The following ITIH4 variants were observed in gnomAD, a reference collection of about 807,000 sequenced individuals.
The protein encoded by ITIH4 is inter-alpha-trypsin inhibitor heavy chain H4.
Under a neutral mutation model 111.8 loss-of-function variants are expected in ITIH4, and 79 were observed. That is an observed-to-expected ratio of 0.71 (90% confidence interval 0.59 to 0.85). The LOEUF (loss-of-function observed/expected upper bound fraction) is 0.85. Among genes scored for constraint, ITIH4 ranks in the 40% least tolerant of loss-of-function variants. The probability of loss-of-function intolerance (pLI) is 0.00; values close to 1 mark genes in which losing one functional copy is unlikely to be tolerated. For missense variants in ITIH4, 1,065 were observed against 1,195.8 expected (o/e 0.89, Z 1.61); for synonymous variants, 472 against 468.3 (o/e 1.01, Z -0.10).
chr3:52,816,437 A>G (rs1700278002), intron 21 of ITIH4, among the ~76,000 whole-genome samples: 1 of 152,200 alleles, frequency 6.6e-6, no homozygotes, highest in African/African-American at 2.4e-5. Flanking sequence ...ACATCACGTC[A>G]CTATGTAGGC....
chr3:52,825,811 TAA>T (rs1383921555), intron 6 of ITIH4, 73 bp downstream of exon 6: 1 of 1,517,478 alleles, frequency 6.6e-7, no homozygotes, highest in Non-Finnish European at 8.9e-7. Context: ...TTTCCTGTTC[TAA>T]AATACCCAAG....
intron 21 of ITIH4, 119 bp downstream of exon 21, chr3:52,816,765 C>A (rs1311469051): frequency 6.3e-6 from 6 of 959,116 alleles, no homozygotes; most frequent in Non-Finnish European, 9.6e-6. Flanking sequence ...CTTTGCCCCT[C>A]CTGTGAGTGT....
intron 2 of ITIH4, among the ~76,000 whole-genome samples, chr3:52,827,587 C>T (rs2710344): frequency 1.9e-4 from 29 of 152,246 alleles, no homozygotes; most frequent in African/African-American, 7.0e-4. Flanking sequence ...TAGTTCATCA[C>T]CAGCAAGAGC....
In ITIH4 at chr3:52,819,394, G is replaced by A; in HGVS notation, c.2076C>T (p.Ile692=). 1.9e-6 allele frequency: 3 copies of A among 1,614,012 alleles called. No individual in the cohort carries two copies. The highest frequency in any genetic ancestry group is 2.5e-6 in the Non-Finnish European group (3 of 1,179,902). Residue 692 remains isoleucine (I), a splice_region_variant and synonymous_variant, in exon 17 of 24, where the codon ATC becomes ATT. Transcript: ENST00000266041. ...AAYHPFRRLA[I]LPASAPPATS... ...TCGCAGGGCCGGAAGGCAGCTTACA[G>A]ATGGCCAGACGGCGGAAGGGGTGGT...
intron 11 of ITIH4, chr3:52,823,329 C>T (rs1400148656): frequency 9.0e-6 from 5 of 557,696 alleles, no homozygotes; most frequent in Non-Finnish European, 1.6e-5. Context: ...GAATCCCTGC[C>T]CTCACCTGTG....
chr3:52,820,133 A>G (rs1700352279), intron 14 of ITIH4, 143 bp from the exon 15 acceptor site: 1 of 1,286,992 alleles, frequency 7.8e-7, no homozygotes, highest in Admixed American at 1.7e-5. Context: ...ATGCACCAGC[A>G]TGCTGGGTCA....
intron 23 of ITIH4, 99 bp downstream of exon 23, chr3:52,813,876 G>A: frequency 5.5e-6 from 5 of 917,000 alleles, no homozygotes; most frequent in Admixed American, 4.0e-5. Flanking sequence ...TCTAGTTCCT[G>A]GGCAAGGACA....
intron 11 of ITIH4, 137 bp downstream of exon 11, chr3:52,823,419 C>CTGCCA: frequency 1.5e-6 from 1 of 681,590 alleles, no homozygotes; most frequent in South Asian, 1.9e-5. Context: ...CATTGAATCC[C>CTGCCA]TGCCATGCCC....
chr3:52,818,242 G>A lies in ITIH4; in HGVS notation c.2179+15C>T. 2 of 1,585,722 alleles carry A rather than the reference G, an allele frequency of 1.3e-6. No individual in the cohort carries two copies. The highest frequency in any genetic ancestry group is 1.3e-5 in the African/African-American group (1 of 74,140). ...GCAAGGATGTGGAAAGGGGCCAAGG[G>A]GGCTGGGAACTTACCTGGGGTTTGG... On this transcript the variant is annotated intron_variant, in intron 19 of 23. Transcript: ENST00000266041.
intron 13 of ITIH4, 33 bp downstream of exon 13, chr3:52,820,598 C>G: frequency 6.3e-7 from 1 of 1,582,112 alleles, no homozygotes; most frequent in Non-Finnish European, 8.6e-7. Flanking sequence ...AACTCTGCTA[C>G]CTGGGAGGCT....
intron 21 of ITIH4, among the ~76,000 whole-genome samples, chr3:52,816,176 C>T (rs1212439862): frequency 2.6e-5 from 4 of 152,144 alleles, no homozygotes; most frequent in East Asian, 1.9e-4. Context: ...CCACAGAGGA[C>T]GAGGGCCTCA....
chr3:52,826,051 G>C (rs1437588892), intron 5 of ITIH4, 37 bp from the exon 6 acceptor site: 1 of 1,612,252 alleles, frequency 6.2e-7, no homozygotes, highest in African/African-American at 1.3e-5. Flanking sequence ...GGGAGGAACA[G>C]CAAAGCCAGG....
intron 2 of ITIH4, 149 bp downstream of exon 2, chr3:52,828,968 CCT>C: frequency 3.2e-6 from 2 of 628,422 alleles, no homozygotes; most frequent in South Asian, 3.0e-5. Context: ...TTGGCAAGCC[CCT>C]GTTCCTGTGT....
intron 23 of ITIH4, 94 bp from the exon 24 acceptor site, chr3:52,813,584 G>C: frequency 3.5e-6 from 4 of 1,139,938 alleles, no homozygotes; most frequent in Non-Finnish European, 5.3e-6. Flanking sequence ...AACATGGAGG[G>C]CAGGGAGTCC....
chr3:52,816,805 A>G, intron 21 of ITIH4, 79 bp downstream of exon 21: 1 of 1,411,008 alleles, frequency 7.1e-7, no homozygotes, highest in Non-Finnish European at 9.8e-7. Context: ...CCATGGCCTC[A>G]GGCCACCTGC....
intron 17 of ITIH4, chr3:52,819,134 T>G: frequency 1.6e-4 from 74 of 469,450 alleles, no homozygotes; most frequent in East Asian, 3.4e-4. Flanking sequence ...TCTGAGGAGA[T>G]GAGACGCTAA....
rs1366159156 is a variant in ITIH4, at chr3:52,823,615, C to A, written c.1480G>T (p.Ala494Ser). The A allele has an allele frequency of 6.2e-7, 1 of 1,613,996 alleles. No individual in the cohort carries two copies. The highest frequency in any genetic ancestry group is 1.3e-5 in the African/African-American group (1 of 74,944). ...LLFKGSEMVV[A>S]GKLQDRGPDV... is the part of the protein sequence containing the mutation. Reference sequence around the variant, plus strand: ...GGCCCCCGGTCCTGGAGCTTCCCAGCCACCACCATCTCTGAGCCCTTGAAG... The same window carrying A: ...GGCCCCCGGTCCTGGAGCTTCCCAGACACCACCATCTCTGAGCCCTTGAAG... The change falls in exon 11 of 24, where the codon GCT (alanine) becomes TCT (serine). Residue 494 changes from alanine to serine, a missense_variant. Ala to Ser is a moderately conservative substitution (Grantham distance 99). Coordinates refer to ENST00000266041, the MANE Select transcript of ITIH4 (RefSeq NM_002218.5).
intron 21 of ITIH4, among the ~76,000 whole-genome samples, chr3:52,815,045 C>T (rs904780083): frequency 6.6e-6 from 1 of 152,186 alleles, no homozygotes; most frequent in African/African-American, 2.4e-5. Context: ...GGCCTCTTCT[C>T]ATTCTGTCTC....
At chr3:52,822,757 G>C (rs942015951) in intron 11 of ITIH4, among the ~76,000 whole-genome samples, 1 of 152,172 alleles carries the variant, frequency 6.6e-6, no homozygotes, top group Non-Finnish European at 1.5e-5. Flanking sequence ...GGCCCCCAAC[G>C]CCCACTCCTA....
Sources: allele counts gnomAD v4.1 joint callset (sites outside exome capture counted in the v4.1 genomes callset), GRCh38; gene constraint gnomAD v4.1.1; transcripts MANE v1.5; gene names NCBI Gene and HGNC (gene_info 2026-07-23, HGNC 2026-07-21).